Variants in LPP observed in about 807,000 individuals in gnomAD.
LPP encodes the protein lipoma-preferred partner.
In LPP, 38 loss-of-function variants were observed where a neutral mutation model predicts 60.4. The observed-to-expected ratio is 0.63, with a 90% CI of 0.49 to 0.83. The LOEUF (loss-of-function observed/expected upper bound fraction) is 0.83. Among genes scored for constraint, LPP ranks in the 40% least tolerant of loss-of-function variants. LPP has a pLI of 0.00. For missense variants in LPP, 902 were observed against 783.6 expected (o/e 1.15, Z -1.80); for synonymous variants, 328 against 290.8 (o/e 1.13, Z -1.30).
At chr3:188,346,524 A>G (rs1439439063) in intron 3 of LPP, among the ~76,000 whole-genome samples, 1 of 151,744 alleles carries the variant, frequency 6.6e-6, no homozygotes, top group Non-Finnish European at 1.5e-5. Context: ...TCGGCCTACC[A>G]AAGTGCTGGG....
chr3:188,382,600 A>T (rs1231665459), intron 3 of LPP, among the ~76,000 whole-genome samples: 1 of 152,166 alleles, frequency 6.6e-6, no homozygotes, highest in Non-Finnish European at 1.5e-5. Flanking sequence ...CTCTGGGTTA[A>T]CTCTAAACTC....
At chr3:188,568,786 G>A (rs1485163657) in intron 6 of LPP, 1 of 152,008 alleles carries the variant, frequency 6.6e-6, no homozygotes, top group East Asian at 1.9e-4. Flanking sequence ...GAAGAGAAAA[G>A]AAAATATGCT....
chr3:188,319,735 T>C (rs910073932), intron 2 of LPP, among the ~76,000 whole-genome samples: 5 of 152,350 alleles, frequency 3.3e-5, no homozygotes, highest in African/African-American at 9.6e-5. Flanking sequence ...TAACATCTTA[T>C]ATAACCAAAG....
At chr3:188,616,698 C>T (rs376663337) in intron 7 of LPP, among the ~76,000 whole-genome samples, 7 of 152,136 alleles carry the variant, frequency 4.6e-5, no homozygotes, top group South Asian at 2.1e-4. Context: ...TGAAAAGAGC[C>T]GATACGTTAA....
chr3:188,849,718 G>C (rs1313926433), intron 9 of LPP, among the ~76,000 whole-genome samples: 1 of 151,982 alleles, frequency 6.6e-6, no homozygotes, highest in Non-Finnish European at 1.5e-5. Context: ...CTCTAAAATA[G>C]TAACAACATG....
chr3:188,532,452 A>C (rs1193105970), intron 6 of LPP, among the ~76,000 whole-genome samples: 1 of 151,540 alleles, frequency 6.6e-6, no homozygotes. Context: ...ATCAATCAAT[A>C]GAAGTGAAGT....
intron 7 of LPP, among the ~76,000 whole-genome samples, chr3:188,639,048 G>C (rs1370916071): frequency 6.6e-6 from 1 of 150,696 alleles, no homozygotes; most frequent in Non-Finnish European, 1.5e-5. Context: ...AAAAGAGCCC[G>C]CATCACCAAG....
intron 3 of LPP, among the ~76,000 whole-genome samples, chr3:188,403,331 T>C (rs1420687637): frequency 1.3e-5 from 2 of 152,246 alleles, no homozygotes; most frequent in African/African-American, 4.8e-5. Flanking sequence ...GGGATTACTA[T>C]GAAAAATGTG....
chr3:188,860,857 G>A (rs562909523), intron 9 of LPP, among the ~76,000 whole-genome samples: 41 of 152,284 alleles, frequency 2.7e-4, no homozygotes, highest in Middle Eastern at 6.8e-3. Flanking sequence ...CTTGCAGATA[G>A]CAAGCCTGAA....
At chr3:188,205,542 A>G (rs1442155126) in intron 1 of LPP, among the ~76,000 whole-genome samples, 2 of 152,166 alleles carry the variant, frequency 1.3e-5, no homozygotes, top group Non-Finnish European at 2.9e-5. Context: ...TCGGCCTCCC[A>G]AAGTGCTGGG....
intron 1 of LPP, among the ~76,000 whole-genome samples, chr3:188,167,171 G>GAA (rs1720206097): frequency 1.3e-5 from 2 of 152,184 alleles, no homozygotes; most frequent in African/African-American, 2.4e-5. Context: ...GATTGTGGAA[G>GAA]GTATTCTATG....
chr3:188,320,549 C>T lies in LPP; in HGVS notation c.-66-21114C>T, dbSNP rs887158174. 5.3e-5 allele frequency among the ~76,000 whole-genome samples: 8 copies of T among 152,194 alleles called. No individual in the cohort carries two copies. The East Asian group carries it at 7.7e-4, about 15-fold the overall frequency. Reference sequence around the variant, plus strand: ...GCAGGAAGGAGTAAGAAACGGAACTCGCCCATTCCTGACAACTAATCCTTT... The same window carrying T: ...GCAGGAAGGAGTAAGAAACGGAACTTGCCCATTCCTGACAACTAATCCTTT... On this transcript the variant is annotated intron_variant, in intron 2 of 11. Transcript: ENST00000617246.
chr3:188,336,963 G>T lies in LPP; in HGVS notation c.-66-4700G>T, dbSNP rs183468721. 2.2e-3 allele frequency among the ~76,000 whole-genome samples: 329 copies of T among 152,240 alleles called. 3 individuals are homozygous for T. The South Asian group carries it at 0.025, about 11-fold the overall frequency. On this transcript the variant is annotated intron_variant, in intron 2 of 11. Transcript: ENST00000617246. The stretch of plus-strand genomic sequence containing the variant: ...CAGGTACCATTTCCCTGGGATGAAG[G>T]GTGCTACTTCAGATTAAGTACTGGG...
intron 3 of LPP, among the ~76,000 whole-genome samples, chr3:188,371,554 A>C (rs1472533243): frequency 6.9e-6 from 1 of 144,214 alleles, no homozygotes; most frequent in Non-Finnish European, 1.5e-5. Flanking sequence ...TAATAATTTT[A>C]CAAATAATTA....
At chr3:188,258,009 C>T (rs1268835441) in intron 2 of LPP, among the ~76,000 whole-genome samples, 2 of 152,218 alleles carry the variant, frequency 1.3e-5, no homozygotes, top group African/African-American at 2.4e-5. Context: ...GTAAAACCAG[C>T]GCTGAGCCCT....
intron 3 of LPP, among the ~76,000 whole-genome samples, chr3:188,404,384 A>G (rs1782933094): frequency 6.6e-6 from 1 of 152,148 alleles, no homozygotes. Flanking sequence ...AGCTGGAACA[A>G]CAGGTGTGCG....
intron 9 of LPP, among the ~76,000 whole-genome samples, chr3:188,857,393 T>C (rs1490910650): frequency 2.0e-5 from 3 of 152,220 alleles, no homozygotes; most frequent in African/African-American, 4.8e-5. Flanking sequence ...CTTTGTACTT[T>C]AGAAAACACA....
chr3:188,313,208 T>C (rs1307962621), intron 2 of LPP, among the ~76,000 whole-genome samples: 1 of 152,232 alleles, frequency 6.6e-6, no homozygotes, highest in Non-Finnish European at 1.5e-5. Flanking sequence ...CATGTGTCAT[T>C]ATTATGCTTT....
At chr3:188,799,347 T>C (rs1380344171) in intron 9 of LPP, among the ~76,000 whole-genome samples, 1 of 152,218 alleles carries the variant, frequency 6.6e-6, no homozygotes, top group Non-Finnish European at 1.5e-5. Flanking sequence ...CAAAACCACT[T>C]AAGATTTAAA....
Sources: allele counts gnomAD v4.1 joint callset (sites outside exome capture counted in the v4.1 genomes callset), GRCh38; gene constraint gnomAD v4.1.1; transcripts MANE v1.5; gene names NCBI Gene and HGNC (gene_info 2026-07-23, HGNC 2026-07-21).